Variants in RNF17 observed in about 807,000 individuals in gnomAD.
RNF17 encodes the protein spermatogenesis associated 23.
A neutral mutation model predicts 200.5 loss-of-function variants in RNF17; 31 were observed. The ratio of observed to expected loss-of-function variants is 0.15; its 90% CI spans 0.12 to 0.21. The LOEUF (loss-of-function observed/expected upper bound fraction) is 0.21. Among genes scored for constraint, RNF17 ranks in the 10% least tolerant of loss-of-function variants. The pLI, the probability that RNF17 is intolerant of heterozygous loss-of-function variation, is 1.00. For missense variants in RNF17, 1,628 were observed against 1,905.1 expected, an observed-to-expected ratio of 0.85 and a Z score of 2.71; for synonymous variants, 606 against 637.8, an observed-to-expected ratio of 0.95 and a Z score of 0.75.
chr13:24,781,700 ACTTATT>A (rs1411222027), intron 5 of RNF17, 138 bp from the exon 6 acceptor site: 1 of 595,464 alleles, frequency 1.7e-6, no homozygotes, highest in African/African-American at 1.9e-5. Context: ...GAACCTTGTG[ACTTATT>A]CTATTTATAT....
In RNF17 at chr13:24,855,982, C is replaced by G. The variant is rs117074665; in HGVS notation, c.3610+1838C>G. Among the ~76,000 whole-genome samples the G allele has an allele frequency of 1.6e-3, 249 of 151,446 alleles. 2 individuals are homozygous for G. In the East Asian group the frequency reaches 0.041, roughly 25 times the overall value. ...TTCTTAATATATCCTGAACACTTAT[C>G]CCTTCTTGGTTTTATGTGTTCCAGG... On this transcript the variant is annotated intron_variant, in intron 25 of 35. Coordinates refer to ENST00000255324, the MANE Select transcript of RNF17 (RefSeq NM_031277.3).
rs767807590 is a variant in RNF17, at chr13:24,781,846, A to G, written c.513A>G (p.Ala171=). Residue 171 remains alanine, a splice_region_variant and synonymous_variant, in exon 6 of 36, where the codon GCA becomes GCG. Coordinates refer to ENST00000255324, the MANE Select transcript of RNF17 (RefSeq NM_031277.3). ...SFEQLSIAGK[A]LEHMQKQTIE... ...TGTCTTGTTTTTTTTTTTTCCAGGC[A>G]CTTGAACACATGCAGAAGCAAACGA... The G allele has an allele frequency of 1.3e-6, 2 of 1,590,574 alleles. No individual in the cohort carries two copies. The highest frequency in any genetic ancestry group is 1.8e-5 in the Admixed American group (1 of 55,190).
At chr13:24,798,161 G>A (rs1884829091) in intron 11 of RNF17, among the ~76,000 whole-genome samples, 1 of 152,122 alleles carries the variant, frequency 6.6e-6, no homozygotes, top group Non-Finnish European at 1.5e-5. Context: ...TTTAATATTA[G>A]AAGTGTTTGG....
chr13:24,805,055 G>T (rs1176174027), intron 15 of RNF17, among the ~76,000 whole-genome samples: 3 of 152,124 alleles, frequency 2.0e-5, no homozygotes, highest in African/African-American at 7.2e-5. Flanking sequence ...AGCTCTGAAA[G>T]GGTAGAACCA....
chr13:24,874,388 A>ATTT (rs1894632344), intron 33 of RNF17, 139 bp downstream of exon 33: 16 of 653,734 alleles, frequency 2.4e-5, no homozygotes, highest in Non-Finnish European at 3.5e-5. Context: ...TTCGTGTTAA[A>ATTT]GTATACATAA....
the RNF17 span, among the ~76,000 whole-genome samples, chr13:24,757,711 G>A: frequency 6.6e-6 from 1 of 152,192 alleles, no homozygotes; most frequent in African/African-American, 2.4e-5. Flanking sequence ...TATATATTCA[G>A]TATTTCTATA....
Position 24,800,474 on chromosome 13 carries a change from A to G in RNF17, c.1698A>G (p.Leu566=). The G allele has an allele frequency of 1.2e-6, 2 of 1,613,578 alleles. No homozygotes were observed. Among genetic ancestry groups the G allele is most frequent in the South Asian group, 1.1e-5 (1 of 91,030 alleles). Residue 566 remains leucine (L), a synonymous_variant, in exon 13 of 36, where the codon CTA becomes CTG. Transcript: ENST00000255324. ...CTGAACCATATACTGAAGGGCTGCT[A>G]AAAGACATCCAGCCATTAGCACAAC... The part of the protein sequence containing the change: ...RKSEPYTEGL[L]KDIQPLAQPC...
intron 12 of RNF17, among the ~76,000 whole-genome samples, chr13:24,800,002 A>G (rs1289451096): frequency 6.6e-6 from 1 of 152,200 alleles, no homozygotes; most frequent in African/African-American, 2.4e-5. Flanking sequence ...TAGGAAAATA[A>G]TACAAACTGA....
chr13:24,876,934 T>C, intron 33 of RNF17, 63 bp from the exon 34 acceptor site: 1 of 1,357,348 alleles, frequency 7.4e-7, no homozygotes, highest in Middle Eastern at 1.8e-4. Context: ...CTATGTTTTC[T>C]TCTAAGAATT....
chr13:24,772,397 TTCTC>T (rs1162371461), intron 2 of RNF17, among the ~76,000 whole-genome samples: 6 of 151,754 alleles, frequency 4.0e-5, no homozygotes, highest in East Asian at 1.9e-4. Flanking sequence ...CATTCAGTCT[TTCTC>T]TCCAGGAACC....
chr13:24,816,321 C>T (rs1887402202), intron 15 of RNF17, among the ~76,000 whole-genome samples: 1 of 152,094 alleles, frequency 6.6e-6, no homozygotes, highest in Admixed American at 6.6e-5. Flanking sequence ...CATTTTTAGG[C>T]CTAACATAAG....
At chr13:24,802,719 C>T (rs906425593) in intron 14 of RNF17, 148 bp downstream of exon 14, 1 of 589,092 alleles carries the variant, frequency 1.7e-6, no homozygotes, top group Non-Finnish European at 2.9e-6. Flanking sequence ...TTTCTGAGTA[C>T]AGTTGTTGTC....
chr13:24,845,293 G>A (rs1470822775), intron 22 of RNF17, among the ~76,000 whole-genome samples: 1 of 152,072 alleles, frequency 6.6e-6, no homozygotes, highest in Non-Finnish European at 1.5e-5. Flanking sequence ...AATTCAAACC[G>A]TTGAATATTA....
chr13:24,797,705 A>AGTTTGTGTGTCTCTGTGT lies in RNF17; in HGVS notation c.1399+1412_1399+1413insTTGTGTGTCTCTGTGTGT, dbSNP rs59493601. Among the ~76,000 whole-genome samples the AGTTTGTGTGTCTCTGTGT allele has an allele frequency of 8.4e-5, 10 of 119,046 alleles. 1 individual carries two copies. The highest frequency in any genetic ancestry group is 2.9e-4 in the African/African-American group (9 of 31,196). The allele number at this position is 119,046 out of a possible 152,430, so 78.1% of individuals were successfully genotyped here. A position where few individuals can be genotyped will look rare whatever the true frequency, so the allele number is the denominator to read the frequency against. The stretch of plus-strand genomic sequence containing the variant: ...GAGAGAGAGAGAGAGAGAGACAAAG[A>AGTTTGTGTGTCTCTGTGT]GTGTGTGTGTGTGTGTGTGTGTGTG... On this transcript the variant is annotated intron_variant, in intron 11 of 35. Coordinates refer to ENST00000255324, the MANE Select transcript of RNF17 (RefSeq NM_031277.3).
rs768491593 is a variant in RNF17 at position 24,830,489 on chromosome 13, C to T, written c.2251C>T (p.Pro751Ser). The T allele has an allele frequency of 6.3e-7, 1 of 1,579,948 alleles. No homozygotes were observed. The highest frequency in any genetic ancestry group is 8.6e-7 in the Non-Finnish European group (1 of 1,158,168). Reference sequence around the variant, plus strand: ...TAATTTCATAATTTTTCAAGGATTGCCTGGACATCAGGAAGTTGAAGTTAA... The same window carrying T: ...TAATTTCATAATTTTTCAAGGATTGTCTGGACATCAGGAAGTTGAAGTTAA... ...IWYRAKVIGL[P>S]GHQEVEVKYV... Residue 751 changes from proline (P) to serine (S), a missense_variant, in exon 17 of 36, where the codon CCT (proline) becomes TCT (serine). Pro to Ser is a moderately conservative substitution (Grantham distance 74, BLOSUM62 -1). Around this residue, in one of 5 missense-constraint regions of RNF17, gnomAD observed 289 missense variants for 384.9 expected, o/e 0.75. Coordinates refer to ENST00000255324, the MANE Select transcript of RNF17 (RefSeq NM_031277.3).
intron 1 of RNF17, among the ~76,000 whole-genome samples, chr13:24,766,876 G>A (rs1879771397): frequency 6.6e-6 from 1 of 152,114 alleles, no homozygotes. Context: ...GCTCTTCTTG[G>A]TTTTTCTTCT....
At chr13:24,844,452 G>A in intron 20 of RNF17, among the ~76,000 whole-genome samples, 200 bp from the exon 21 acceptor site, 1 of 152,150 alleles carries the variant, frequency 6.6e-6, no homozygotes, top group East Asian at 1.9e-4. Flanking sequence ...AGCCATATAA[G>A]TGTCTGAGGG....
At chr13:24,795,200 A>C (rs1048500127) in intron 10 of RNF17, among the ~76,000 whole-genome samples, 15 of 151,976 alleles carry the variant, frequency 9.9e-5, no homozygotes, top group African/African-American at 3.6e-4. Context: ...CACTCCTCCT[A>C]GTCTTTGTTT....
chr13:24,872,475 G>A (rs147061864), intron 32 of RNF17, among the ~76,000 whole-genome samples: 121 of 152,138 alleles, frequency 8.0e-4, no homozygotes, highest in Non-Finnish European at 1.6e-3. Flanking sequence ...ATGTACGAAG[G>A]GAAGTATATA....
Sources: gnomAD v4.1 joint callset for allele counts (sites outside exome capture counted in the v4.1 genomes callset) on GRCh38, gnomAD v4.1.1 for gene constraint, gnomAD v4.1.1 regional missense constraint, MANE v1.5 for transcripts, NCBI Gene and HGNC (gene_info 2026-07-23, HGNC 2026-07-21) for gene names.